The following NOS1AP variants were observed in gnomAD, a reference collection of about 807,000 sequenced individuals.
NOS1AP encodes the protein nitric oxide synthase 1 adaptor protein.
Under a neutral mutation model 56.2 loss-of-function variants are expected in NOS1AP, and 21 were observed. The ratio of observed to expected loss-of-function variants is 0.37; its 90% CI spans 0.26 to 0.54. The LOEUF (loss-of-function observed/expected upper bound fraction) is 0.54. NOS1AP is among the 20% of genes least tolerant of loss of function. The pLI is 0.84. For missense variants in NOS1AP, 522 were observed against 657.8 expected (o/e 0.79, Z 2.26); for synonymous variants, 270 against 274.6 (o/e 0.98, Z 0.17).
chr1:162,345,246 G>A (rs1011255274), intron 6 of NOS1AP, among the ~76,000 whole-genome samples: 5 of 150,978 alleles, frequency 3.3e-5, no homozygotes, highest in African/African-American at 7.3e-5. Context: ...GTGCTGGTGC[G>A]CTGCACCCAC....
intron 2 of NOS1AP, among the ~76,000 whole-genome samples, chr1:162,259,004 T>C (rs1654122465): frequency 6.6e-6 from 1 of 152,088 alleles, no homozygotes; most frequent in African/African-American, 2.4e-5. Flanking sequence ...GTAAACCTCA[T>C]CATATGATTC....
intron 1 of NOS1AP, among the ~76,000 whole-genome samples, chr1:162,098,748 G>A (rs750530401): frequency 1.3e-5 from 2 of 152,106 alleles, no homozygotes; most frequent in African/African-American, 2.4e-5. Flanking sequence ...TCACTTATAA[G>A]TGCGAATATG....
chr1:162,220,469 C>G (rs1301538492), intron 2 of NOS1AP, among the ~76,000 whole-genome samples: 3 of 152,080 alleles, frequency 2.0e-5, no homozygotes, highest in African/African-American at 7.2e-5. Flanking sequence ...ATGGCCCAGC[C>G]AAACTCATGG....
At chr1:162,116,220 C>T (rs1301602437) in intron 1 of NOS1AP, among the ~76,000 whole-genome samples, 3 of 152,174 alleles carry the variant, frequency 2.0e-5, no homozygotes, top group Non-Finnish European at 4.4e-5. Context: ...GTGTCACCAT[C>T]GTCCTCTGTA....
intron 2 of NOS1AP, among the ~76,000 whole-genome samples, chr1:162,174,374 A>AC (rs530810763): frequency 1.1e-3 from 152 of 137,532 alleles, no homozygotes; most frequent in Non-Finnish European, 2.0e-3. Context: ...ACACATGGAC[A>AC]CAGGAAGGGG....
intron 1 of NOS1AP, among the ~76,000 whole-genome samples, chr1:162,115,923 C>G (rs2102045567): frequency 6.6e-6 from 1 of 152,300 alleles, no homozygotes; most frequent in South Asian, 2.1e-4. Flanking sequence ...TTGTACTGGT[C>G]TCTATCTAGG....
At chr1:162,237,863 G>A (rs1653355254) in intron 2 of NOS1AP, among the ~76,000 whole-genome samples, 1 of 69,442 alleles carries the variant, frequency 1.4e-5, no homozygotes, top group South Asian at 5.2e-4. Context: ...AGAAATGGAA[G>A]TCATTTTCAG....
chr1:162,246,703 T>G (rs577424194), intron 2 of NOS1AP, among the ~76,000 whole-genome samples: 128 of 152,254 alleles, frequency 8.4e-4, no homozygotes, highest in African/African-American at 3.0e-3. Context: ...CTGGGTCTCT[T>G]GGCCTCAGTT....
intron 1 of NOS1AP, among the ~76,000 whole-genome samples, chr1:162,098,361 C>T (rs112028588): frequency 3.3e-5 from 5 of 152,172 alleles, no homozygotes; most frequent in African/African-American, 1.2e-4. Flanking sequence ...CCAGTCTCAG[C>T]CTCCCAAAGT....
chr1:162,282,154 T>C (rs1017927192), intron 2 of NOS1AP, among the ~76,000 whole-genome samples: 31 of 152,314 alleles, frequency 2.0e-4, no homozygotes, highest in African/African-American at 6.0e-4. Flanking sequence ...TCTGTGGCAT[T>C]AAATATATTT....
intron 2 of NOS1AP, among the ~76,000 whole-genome samples, chr1:162,221,230 C>T (rs1037123081): frequency 8.5e-5 from 13 of 152,136 alleles, no homozygotes; most frequent in South Asian, 8.3e-4. Context: ...TGAGCCACCG[C>T]GCCCAGCCCA....
intron 2 of NOS1AP, among the ~76,000 whole-genome samples, chr1:162,272,350 A>C (rs1315663497): frequency 1.3e-5 from 2 of 152,134 alleles, no homozygotes; most frequent in Admixed American, 6.5e-5. Context: ...ACAGGATGGG[A>C]ATCCTGCTGC....
intron 2 of NOS1AP, among the ~76,000 whole-genome samples, chr1:162,172,216 A>G (rs1650822020): frequency 6.6e-6 from 1 of 152,224 alleles, no homozygotes; most frequent in Non-Finnish European, 1.5e-5. Context: ...CCCACCAGTA[A>G]ATGGCAACTA....
At chr1:162,365,245 T>A in intron 8 of NOS1AP, 159 bp from the exon 9 acceptor site, 1 of 1,481,186 alleles carries the variant, frequency 6.8e-7, no homozygotes, top group Non-Finnish European at 9.0e-7. Context: ...TCCTCTGGAA[T>A]GATAAGCCCA....
intron 1 of NOS1AP, 102 bp from the exon 2 acceptor site, chr1:162,154,303 G>A (rs1313249355): frequency 3.1e-6 from 3 of 972,538 alleles, no homozygotes; most frequent in Non-Finnish European, 3.2e-6. Flanking sequence ...TTCTTCATCT[G>A]TAAAATGGGC....
At position 162,089,553 on chromosome 1, in the gene NOS1AP, C is replaced by T. The variant is rs185297476; in HGVS notation, c.105+19271C>T. 3.3e-5 allele frequency among the ~76,000 whole-genome samples: 5 copies of T among 152,218 alleles called. No individual in the cohort carries two copies. In the East Asian group the frequency reaches 5.8e-4, roughly 18 times the overall value. ...TGTCTTAATCTCTGGAATCTGTGAA[C>T]GTTACTTTACATGACAAAGACTTTG... On this transcript the variant is annotated intron_variant, in intron 1 of 9. Coordinates refer to ENST00000361897, the MANE Select transcript of NOS1AP (RefSeq NM_014697.3).
At chr1:162,273,076 G>A (rs997065567) in intron 2 of NOS1AP, among the ~76,000 whole-genome samples, 1 of 151,510 alleles carries the variant, frequency 6.6e-6, no homozygotes, top group African/African-American at 2.4e-5. Context: ...GGGACTCTGT[G>A]TCTGGGAAGA....
At chr1:162,315,196 A>T (rs1201037954) in intron 4 of NOS1AP, among the ~76,000 whole-genome samples, 2 of 151,826 alleles carry the variant, frequency 1.3e-5, no homozygotes, top group African/African-American at 4.8e-5. Context: ...CCTAGAGTAA[A>T]GGGCCAGAGT....
At chr1:162,355,044 C>T (rs1156725170) in intron 6 of NOS1AP, 143 bp from the exon 7 acceptor site, 3 of 878,880 alleles carry the variant, frequency 3.4e-6, no homozygotes, top group East Asian at 5.0e-5. Context: ...CTTTAACGTA[C>T]TTGAGTGAAA....
Sources: allele counts gnomAD v4.1 joint callset (sites outside exome capture counted in the v4.1 genomes callset), GRCh38; gene constraint gnomAD v4.1.1; transcripts MANE v1.5; gene names NCBI Gene and HGNC (gene_info 2026-07-23, HGNC 2026-07-21).